Variants in CDR2 observed in about 807,000 individuals in gnomAD.
CDR2 encodes the protein cerebellar degeneration related protein 2.
CDR2 carries 34 observed loss-of-function variants against 48.4 expected under a neutral mutation model. The observed-to-expected ratio is 0.70, with a 90% CI of 0.53 to 0.94. The LOEUF is 0.94. Among genes scored for constraint, CDR2 ranks in the 40% least tolerant of loss-of-function variants. The probability of loss-of-function intolerance (pLI) is 0.00; values close to 1 mark genes in which losing one functional copy is unlikely to be tolerated. For missense variants in CDR2, 498 were observed against 549.5 expected, an observed-to-expected ratio of 0.91 and a Z score of 0.94; for synonymous variants, 240 against 219.7, an observed-to-expected ratio of 1.09 and a Z score of -0.82.
chr16:22,350,884 A>T lies in CDR2; in HGVS notation c.193-1035T>A, dbSNP rs570194443. ...ATAAAGCCTAACGTGGAGGATTTTTAAAAAAAATTATACTCTAAGTTCTAG... is the reference window on the plus strand; with the variant it reads ...ATAAAGCCTAACGTGGAGGATTTTTTAAAAAAATTATACTCTAAGTTCTAG... On this transcript the variant is annotated intron_variant, in intron 2 of 4. Transcript: ENST00000268383. 1.5e-3 allele frequency among the ~76,000 whole-genome samples: 231 copies of T among 152,242 alleles called. 1 individual carries two copies. Among genetic ancestry groups the T allele is most frequent in the African/African-American group, 3.0e-3 (123 of 41,552 alleles).
chr16:22,348,866 A>G (rs2048923606), intron 4 of CDR2, among the ~76,000 whole-genome samples: 5 of 152,216 alleles, frequency 3.3e-5, no homozygotes, highest in Admixed American at 2.6e-4. Context: ...CTTGCCACAC[A>G]AGTGTTCCAT....
At chr16:22,349,082 C>A (rs2048924782) in intron 4 of CDR2, 197 bp downstream of exon 4, 4 of 548,616 alleles carry the variant, frequency 7.3e-6, no homozygotes, top group Non-Finnish European at 1.3e-5. Flanking sequence ...ATAAGTGTTC[C>A]AAGACTTTCA....
intron 2 of CDR2, among the ~76,000 whole-genome samples, chr16:22,351,044 G>T (rs1042686289): frequency 2.0e-5 from 3 of 152,128 alleles, no homozygotes; most frequent in African/African-American, 7.2e-5. Context: ...CCCAGTGTGT[G>T]ATGTTCCCCA....
intron 2 of CDR2, among the ~76,000 whole-genome samples, chr16:22,356,490 T>C (rs1475616444): frequency 2.0e-5 from 3 of 152,170 alleles, no homozygotes; most frequent in Non-Finnish European, 4.4e-5. Flanking sequence ...TGGTGGCTCA[T>C]GCCTATAATC....
At position 22,347,378 on chromosome 16, in the gene CDR2, A is replaced by G. The variant is rs2048913329; in HGVS notation, c.952T>C (p.Leu318=). ...CCCTTCACGATGTCACTCCCTGCCA[A>G]GCTGCTGAGGATCGTCTCACTGCTG... The part of the protein sequence containing the change: ...RSSSETILSS[L]AGSDIVKGHE... Residue 318 remains leucine (L), a synonymous_variant, in exon 5 of 5, where the codon TTG becomes CTG. Coordinates refer to ENST00000268383, the MANE Select transcript of CDR2 (RefSeq NM_001802.2). The G allele has an allele frequency of 6.2e-6, 10 of 1,614,170 alleles. No homozygotes were observed. The highest frequency in any genetic ancestry group is 7.6e-6 in the Non-Finnish European group (9 of 1,180,038).
intron 2 of CDR2, among the ~76,000 whole-genome samples, chr16:22,352,481 A>G (rs891947680): frequency 7.9e-5 from 12 of 152,144 alleles, no homozygotes; most frequent in Non-Finnish European, 1.6e-4. Context: ...AGTGTTTTGG[A>G]AAATTCTTTA....
At chr16:22,350,279 T>G (rs577792893) in intron 2 of CDR2, among the ~76,000 whole-genome samples, 1 of 152,086 alleles carries the variant, frequency 6.6e-6, no homozygotes, top group African/African-American at 2.4e-5. Context: ...GGGGCTGACA[T>G]AGAGTCTCCA....
At chr16:22,352,055 C>G (rs574078117) in intron 2 of CDR2, among the ~76,000 whole-genome samples, 1 of 152,314 alleles carries the variant, frequency 6.6e-6, no homozygotes, top group South Asian at 2.1e-4. Context: ...AGTTCAAGAC[C>G]AGCCTGGCCA....
intron 1 of CDR2, among the ~76,000 whole-genome samples, chr16:22,367,404 C>G (rs1457708107): frequency 6.6e-6 from 1 of 152,180 alleles, no homozygotes; most frequent in Non-Finnish European, 1.5e-5. Flanking sequence ...GGATGAAGAA[C>G]TTGCCATGAA....
chr16:22,347,934 C>G, intron 4 of CDR2, 111 bp from the exon 5 acceptor site: 1 of 1,062,578 alleles, frequency 9.4e-7, no homozygotes, highest in Non-Finnish European at 1.3e-6. Flanking sequence ...GTGACAGTGA[C>G]TAATTTTTTT....
intron 1 of CDR2, among the ~76,000 whole-genome samples, chr16:22,370,440 C>A (rs890195542): frequency 3.3e-5 from 5 of 152,146 alleles, no homozygotes; most frequent in African/African-American, 9.7e-5. Context: ...ATAACAGAAA[C>A]CTGAATCCTT....
At chr16:22,359,151 G>A (rs1035982312) in intron 2 of CDR2, among the ~76,000 whole-genome samples, 25 of 151,004 alleles carry the variant, frequency 1.7e-4, no homozygotes, top group Admixed American at 7.2e-4. Context: ...TTTTTGAGAC[G>A]GAGTCTCGCT....
chr16:22,368,259 G>C (rs1280842158), intron 1 of CDR2, among the ~76,000 whole-genome samples: 1 of 152,020 alleles, frequency 6.6e-6, no homozygotes. Flanking sequence ...ACCCAGGCTG[G>C]AGGGCAGTGG....
intron 1 of CDR2, among the ~76,000 whole-genome samples, chr16:22,373,823 C>G (rs2049095729): frequency 6.6e-6 from 1 of 152,248 alleles, no homozygotes; most frequent in Non-Finnish European, 1.5e-5. Flanking sequence ...CGGCCCTCCA[C>G]GCTGGCCATG....
At chr16:22,355,044 C>G (rs1205420920) in intron 2 of CDR2, among the ~76,000 whole-genome samples, 1 of 152,206 alleles carries the variant, frequency 6.6e-6, no homozygotes, top group African/African-American at 2.4e-5. Flanking sequence ...TACTCTCCTA[C>G]TTTCCTCGTC....
At chr16:22,371,560 A>C (rs2049076482) in intron 1 of CDR2, among the ~76,000 whole-genome samples, 1 of 152,254 alleles carries the variant, frequency 6.6e-6, no homozygotes, top group Non-Finnish European at 1.5e-5. Context: ...CCTGGCAAAG[A>C]GCAGATAATA....
At chr16:22,371,850 G>A (rs996160772) in intron 1 of CDR2, among the ~76,000 whole-genome samples, 1 of 528 alleles carries the variant, frequency 1.9e-3, no homozygotes, top group African/African-American at 2.2e-3. Flanking sequence ...GTTCAGATAT[G>A]TGTGTGTGTG....
At chr16:22,356,947 AAAAAAG>A in intron 2 of CDR2, among the ~76,000 whole-genome samples, 1 of 149,092 alleles carries the variant, frequency 6.7e-6, no homozygotes, top group Admixed American at 6.7e-5. Flanking sequence ...TCTCAAAAAA[AAAAAAG>A]AAAAAAAAAA....
chr16:22,365,427 T>C (rs961949350), intron 1 of CDR2, among the ~76,000 whole-genome samples: 11 of 152,302 alleles, frequency 7.2e-5, no homozygotes, highest in African/African-American at 2.6e-4. Context: ...TTGCCTGCTG[T>C]GAATACAACT....
Sources: allele counts gnomAD v4.1 joint callset (sites outside exome capture counted in the v4.1 genomes callset), GRCh38; gene constraint gnomAD v4.1.1; transcripts MANE v1.5; gene names NCBI Gene and HGNC (gene_info 2026-07-23, HGNC 2026-07-21).